Variants in AK7 observed in about 807,000 individuals in gnomAD.
AK7 encodes ATP-AMP transphosphorylase 7.
In AK7, 78 loss-of-function variants were observed where a neutral mutation model predicts 96.6. The observed-to-expected ratio is 0.81, with a 90% CI of 0.67 to 0.97. AK7 has a LOEUF of 0.97. Among genes scored for constraint, AK7 ranks in the 50% least tolerant of loss-of-function variants. AK7 has a pLI of 0.00. For missense variants in AK7, 855 were observed against 887.9 expected (o/e 0.96, Z 0.47); for synonymous variants, 302 against 317.2 (o/e 0.95, Z 0.51).
chr14:96,477,975 G>C (rs1895277345), intron 14 of AK7, among the ~76,000 whole-genome samples: 1 of 152,158 alleles, frequency 6.6e-6, no homozygotes, highest in African/African-American at 2.4e-5. Flanking sequence ...GCAAGAATTT[G>C]AGATCAGCCC....
intron 16 of AK7, among the ~76,000 whole-genome samples, chr14:96,485,003 C>T (rs976135405): frequency 3.3e-5 from 5 of 152,224 alleles, no homozygotes; most frequent in African/African-American, 1.2e-4. Context: ...ATCTTCTTAA[C>T]ATAAATTCCT....
chr14:96,392,219 T>A lies in AK7; in HGVS notation c.65T>A (p.Ile22Lys), dbSNP rs1343715429. The A allele has an allele frequency of 1.2e-6, 2 of 1,613,702 alleles. No homozygotes were observed. Among genetic ancestry groups the A allele is most frequent in the Non-Finnish European group, 1.7e-6 (2 of 1,179,646 alleles). The change falls in exon 1 of 18, where the codon ATA becomes AAA. Residue 22 changes from isoleucine to lysine, a missense_variant. Transcript: ENST00000267584. ...EKVIRTQRVFINLLDSYSSGN... is the reference protein window; with the variant it reads ...EKVIRTQRVFKNLLDSYSSGN... ...GTTATCCGGACCCAGAGGGTGTTTA[T>A]AAACCTGTTGGATTCCTACAGCAGC...
intron 4 of AK7, among the ~76,000 whole-genome samples, chr14:96,413,838 C>T (rs1013785252): frequency 2.0e-5 from 3 of 152,166 alleles, no homozygotes; most frequent in African/African-American, 2.4e-5. Flanking sequence ...ATGATGCCAC[C>T]CCACTGTCTT....
intron 3 of AK7, among the ~76,000 whole-genome samples, chr14:96,407,328 A>C (rs1182001553): frequency 6.6e-6 from 1 of 152,222 alleles, no homozygotes; most frequent in Non-Finnish European, 1.5e-5. Flanking sequence ...TAAAAATAGA[A>C]ACAAAAGTAA....
intron 15 of AK7, 153 bp from the exon 16 acceptor site, chr14:96,482,846 G>A (rs1469182333): frequency 6.9e-6 from 6 of 868,632 alleles, no homozygotes; most frequent in Non-Finnish European, 1.0e-5. Context: ...CGTGAGAGAA[G>A]AAATTCTGAA....
At chr14:96,434,092 T>C (rs531209366) in intron 5 of AK7, among the ~76,000 whole-genome samples, 2 of 152,350 alleles carry the variant, frequency 1.3e-5, no homozygotes, top group South Asian at 4.1e-4. Flanking sequence ...GGTCATGCTT[T>C]CCCGGTTGGT....
chr14:96,441,693 C>T (rs1405940128), intron 6 of AK7, among the ~76,000 whole-genome samples: 4 of 149,364 alleles, frequency 2.7e-5, no homozygotes, highest in Middle Eastern at 3.5e-3. Flanking sequence ...GAATGAGAGA[C>T]AGGTTTGCTT....
At chr14:96,417,684 G>C (rs547312592) in intron 4 of AK7, among the ~76,000 whole-genome samples, 30 of 152,240 alleles carry the variant, frequency 2.0e-4, no homozygotes, top group Non-Finnish European at 3.5e-4. Context: ...TTAGCTTCTT[G>C]GACTACTCAA....
chr14:96,481,548 G>A (rs1019572340), intron 15 of AK7, among the ~76,000 whole-genome samples: 4 of 151,876 alleles, frequency 2.6e-5, no homozygotes, highest in East Asian at 1.9e-4. Flanking sequence ...GTTTTACCAC[G>A]TTGGCCAGGC....
At chr14:96,423,430 A>G (rs191370664) in intron 5 of AK7, among the ~76,000 whole-genome samples, 3 of 152,262 alleles carry the variant, frequency 2.0e-5, no homozygotes, top group East Asian at 3.9e-4. Context: ...TGCTATTTTC[A>G]TAATAACAAT....
In AK7 at chr14:96,483,106, G is replaced by A. The variant is rs1273128847; in HGVS notation, c.1861G>A (p.Glu621Lys). ...YGLTDEEKAE[E>K]ERKAAEERLA... Reference sequence around the variant, plus strand: ...TTTAACAGACGAAGAAAAGGCAGAAGAGGAGCGGAAGGCTGCGGAGGAGCG... The same window carrying A: ...TTTAACAGACGAAGAAAAGGCAGAAAAGGAGCGGAAGGCTGCGGAGGAGCG... Residue 621 changes from glutamate (E) to lysine (K), a missense_variant, in exon 16 of 18, where the codon GAG becomes AAG. By Grantham distance (56) the Glu-to-Lys change is moderately conservative. Coordinates refer to ENST00000267584, the MANE Select transcript of AK7 (RefSeq NM_152327.5). 1 of 1,614,212 alleles carries A rather than the reference G, an allele frequency of 6.2e-7. No individual in the cohort carries two copies. The highest frequency in any genetic ancestry group is 8.5e-7 in the Non-Finnish European group (1 of 1,180,044).
At chr14:96,416,894 G>C (rs1366367687) in intron 4 of AK7, among the ~76,000 whole-genome samples, 1 of 152,164 alleles carries the variant, frequency 6.6e-6, no homozygotes, top group Non-Finnish European at 1.5e-5. Flanking sequence ...TGGAATTTAT[G>C]GGCTCCAGTG....
intron 6 of AK7, among the ~76,000 whole-genome samples, chr14:96,441,626 C>T (rs1185212760): frequency 1.8e-5 from 2 of 110,980 alleles, no homozygotes; most frequent in Non-Finnish European, 3.4e-5. Flanking sequence ...CTGGGTGACA[C>T]AGCAAGACTC....
At chr14:96,455,637 A>G (rs1001065144) in intron 10 of AK7, among the ~76,000 whole-genome samples, 1 of 152,208 alleles carries the variant, frequency 6.6e-6, no homozygotes, top group Non-Finnish European at 1.5e-5. Flanking sequence ...TGTACTGTGC[A>G]CTGTCTTGTG....
At chr14:96,392,602 C>A (rs1889817231) in intron 1 of AK7, among the ~76,000 whole-genome samples, 1 of 152,322 alleles carries the variant, frequency 6.6e-6, no homozygotes, top group South Asian at 2.1e-4. Context: ...TCTCTTGCCC[C>A]CTCCTAGGTT....
intron 17 of AK7, chr14:96,487,813 C>G (rs1234760282): frequency 5.1e-6 from 1 of 196,528 alleles, no homozygotes; most frequent in Non-Finnish European, 1.0e-5. Context: ...AATATATTCA[C>G]CATTTATAAT....
At chr14:96,459,882 A>C (rs1894159144) in intron 12 of AK7, among the ~76,000 whole-genome samples, 2 of 152,176 alleles carry the variant, frequency 1.3e-5, no homozygotes, top group African/African-American at 4.8e-5. Context: ...CTCTCAAAAA[A>C]AAAGAAAGAA....
chr14:96,484,944 T>C (rs1361474579), intron 16 of AK7, among the ~76,000 whole-genome samples: 1 of 152,038 alleles, frequency 6.6e-6, no homozygotes, highest in Admixed American at 6.5e-5. Context: ...AAAGGAGGGA[T>C]GGAGGGAGGG....
At chr14:96,444,638 A>G (rs1893130522) in intron 7 of AK7, among the ~76,000 whole-genome samples, 1 of 152,218 alleles carries the variant, frequency 6.6e-6, no homozygotes, top group Non-Finnish European at 1.5e-5. Context: ...AGGCATGATA[A>G]TAAAGCTCTC....
Sources: gnomAD v4.1 joint callset for allele counts (sites outside exome capture counted in the v4.1 genomes callset) on GRCh38, gnomAD v4.1.1 for gene constraint, MANE v1.5 for transcripts, NCBI Gene and HGNC (gene_info 2026-07-23, HGNC 2026-07-21) for gene names.